The following PRR16 variants were observed in gnomAD, a reference collection of about 807,000 sequenced individuals.
PRR16 encodes the protein proline rich 16.
PRR16 carries 6 observed loss-of-function variants against 18.2 expected under a neutral mutation model. The ratio of observed to expected loss-of-function variants is 0.33; its 90% CI spans 0.18 to 0.65. PRR16 has a LOEUF of 0.65. PRR16 is among the 30% of genes least tolerant of loss of function. The probability of loss-of-function intolerance (pLI) is 0.74; values close to 1 mark genes in which losing one functional copy is unlikely to be tolerated. For missense variants in PRR16, 412 were observed against 376.6 expected (o/e 1.09, Z -0.78); for synonymous variants, 151 against 147.8 (o/e 1.02, Z -0.16).
Position 120,464,549 on chromosome 5 carries a change from C to G in PRR16, c.63C>G (p.Ala21=). The part of the protein sequence containing the change: ...SSCPAEGPPA[A]SKTKVKEQIK... Reference sequence around the variant, plus strand: ...GTCCAGCCGAGGGACCGCCGGCAGCCTCCAAAACCAAGGTGAAGGAACAGA... The same window carrying G: ...GTCCAGCCGAGGGACCGCCGGCAGCGTCCAAAACCAAGGTGAAGGAACAGA... Residue 21 remains alanine, a synonymous_variant, in exon 1 of 2, where the codon GCC becomes GCG. Transcript: ENST00000407149. 2 of 1,591,576 alleles carry G rather than the reference C, an allele frequency of 1.3e-6. No individual in the cohort carries two copies. Among genetic ancestry groups the G allele is most frequent in the Non-Finnish European group, 1.7e-6 (2 of 1,177,026 alleles).
At chr5:120,789,259 T>C in the PRR16 span, among the ~76,000 whole-genome samples, 1 of 152,094 alleles carries the variant, frequency 6.6e-6, no homozygotes, top group African/African-American at 2.4e-5. Context: ...TTAACTTAAA[T>C]AGAAGACCAC....
chr5:120,645,184 A>G (rs1331849278), intron 1 of PRR16, among the ~76,000 whole-genome samples: 3 of 152,114 alleles, frequency 2.0e-5, no homozygotes, highest in Non-Finnish European at 4.4e-5. Flanking sequence ...AGATTAGAAA[A>G]ATTGAGTAAA....
intron 1 of PRR16, among the ~76,000 whole-genome samples, chr5:120,653,418 T>A (rs926577703): frequency 1.2e-4 from 19 of 152,036 alleles, no homozygotes; most frequent in African/African-American, 4.1e-4. Flanking sequence ...AGAAACAGTA[T>A]AGTATTAACC....
At chr5:120,644,307 T>C (rs1267388620) in intron 1 of PRR16, among the ~76,000 whole-genome samples, 2 of 152,050 alleles carry the variant, frequency 1.3e-5, no homozygotes, top group Non-Finnish European at 2.9e-5. Context: ...ATATTTGTCC[T>C]CTGAAAAGCT....
At chr5:120,770,838 A>G in the PRR16 span, among the ~76,000 whole-genome samples, 2 of 151,722 alleles carry the variant, frequency 1.3e-5, no homozygotes, top group Admixed American at 1.3e-4. Flanking sequence ...CAAAATTGAG[A>G]TATCATCATC....
At chr5:120,751,467 C>G in the PRR16 span, among the ~76,000 whole-genome samples, 1 of 152,028 alleles carries the variant, frequency 6.6e-6, no homozygotes, top group African/African-American at 2.4e-5. Context: ...GTGATAAAAG[C>G]CACTTTAACT....
At chr5:120,517,044 C>T (rs1751019721) in intron 1 of PRR16, among the ~76,000 whole-genome samples, 1 of 152,064 alleles carries the variant, frequency 6.6e-6, no homozygotes, top group Non-Finnish European at 1.5e-5. Context: ...GAGAAGGCTG[C>T]TTTGGGATTT....
intron 1 of PRR16, among the ~76,000 whole-genome samples, chr5:120,477,540 T>A (rs73783455): frequency 0.064 from 9,678 of 152,266 alleles, 687 homozygotes; most frequent in African/African-American, 0.18. Context: ...CAAGCCACAC[T>A]TTATTTCTCA....
At chr5:120,661,084 A>G (rs1756157969) in intron 1 of PRR16, among the ~76,000 whole-genome samples, 1 of 152,172 alleles carries the variant, frequency 6.6e-6, no homozygotes, top group African/African-American at 2.4e-5. Flanking sequence ...TGTAGACACC[A>G]GGACATTGAA....
At chr5:120,585,356 T>A (rs1038913958) in intron 1 of PRR16, among the ~76,000 whole-genome samples, 2 of 152,130 alleles carry the variant, frequency 1.3e-5, no homozygotes, top group Non-Finnish European at 2.9e-5. Flanking sequence ...ATGCCTGTAA[T>A]CCCAGCACTT....
chr5:120,791,802 A>G, the PRR16 span, among the ~76,000 whole-genome samples: 1 of 152,260 alleles, frequency 6.6e-6, no homozygotes, highest in South Asian at 2.1e-4. Flanking sequence ...TTCCCAAACT[A>G]TGATATAAAA....
At chr5:120,733,363 T>C in the PRR16 span, among the ~76,000 whole-genome samples, 1 of 152,112 alleles carries the variant, frequency 6.6e-6, no homozygotes, top group Non-Finnish European at 1.5e-5. Context: ...GTGCCCAGGC[T>C]GGTCTTGAAC....
At chr5:120,499,236 A>T (rs1030074921) in intron 1 of PRR16, among the ~76,000 whole-genome samples, 2 of 151,284 alleles carry the variant, frequency 1.3e-5, no homozygotes, top group African/African-American at 4.9e-5. Context: ...CAGCCGCCCC[A>T]GTAGTTGGGA....
At chr5:120,738,338 T>C in the PRR16 span, among the ~76,000 whole-genome samples, 1 of 151,978 alleles carries the variant, frequency 6.6e-6, no homozygotes, top group African/African-American at 2.4e-5. Context: ...CAAATGAAAA[T>C]AACCTGGCCA....
chr5:120,501,362 G>A (rs548021004), intron 1 of PRR16, among the ~76,000 whole-genome samples: 2 of 152,240 alleles, frequency 1.3e-5, no homozygotes, highest in African/African-American at 4.8e-5. Flanking sequence ...CTAGTTGCCA[G>A]ATATTTCTTT....
At chr5:120,568,750 A>C (rs1156978553) in intron 1 of PRR16, among the ~76,000 whole-genome samples, 1 of 152,144 alleles carries the variant, frequency 6.6e-6, no homozygotes, top group African/African-American at 2.4e-5. Context: ...TTTTTAAGTG[A>C]TTCAGATGCT....
At chr5:120,717,781 G>A in the PRR16 span, among the ~76,000 whole-genome samples, 37 of 152,138 alleles carry the variant, frequency 2.4e-4, no homozygotes, top group African/African-American at 8.9e-4. Context: ...AAAACACACA[G>A]TCTAGAATGA....
chr5:120,699,776 A>G, the PRR16 span, among the ~76,000 whole-genome samples: 1 of 152,172 alleles, frequency 6.6e-6, no homozygotes, highest in East Asian at 1.9e-4. Flanking sequence ...TGACCACACT[A>G]ACCATGCCTA....
chr5:120,770,140 C>G, the PRR16 span, among the ~76,000 whole-genome samples: 2 of 151,896 alleles, frequency 1.3e-5, no homozygotes, highest in Non-Finnish European at 2.9e-5. Flanking sequence ...ATAGCCTACA[C>G]AATCTTGACA....
Sources: allele counts gnomAD v4.1 joint callset (sites outside exome capture counted in the v4.1 genomes callset), GRCh38; gene constraint gnomAD v4.1.1; transcripts MANE v1.5; gene names NCBI Gene and HGNC (gene_info 2026-07-23, HGNC 2026-07-21).